Variants in MAPK10 observed in about 807,000 individuals in gnomAD.
The protein encoded by MAPK10 is mitogen-activated protein kinase 10, also known as JNK3 alpha protein kinase.
MAPK10 carries 25 observed loss-of-function variants against 59.3 expected under a neutral mutation model. The ratio of observed to expected loss-of-function variants is 0.42; its 90% CI spans 0.31 to 0.59. The LOEUF (loss-of-function observed/expected upper bound fraction) is 0.59, where lower values mean the gene tolerates loss of function less well. MAPK10 is among the 20% of genes least tolerant of loss of function. MAPK10 has a pLI of 0.15. For synonymous variants in MAPK10, 190 were observed against 200.5 expected (o/e 0.95, Z 0.44); for missense variants, 351 against 568.9 (o/e 0.62, Z 3.90).
At chr4:86,227,823 C>A (rs2090914525) in intron 2 of MAPK10, among the ~76,000 whole-genome samples, 1 of 152,174 alleles carries the variant, frequency 6.6e-6, no homozygotes. Flanking sequence ...TTTGTTTTAA[C>A]CCTGAATTAC....
At chr4:86,548,006 A>C (rs1228574750) in intron 1 of MAPK10, among the ~76,000 whole-genome samples, 3 of 152,198 alleles carry the variant, frequency 2.0e-5, no homozygotes, top group Non-Finnish European at 4.4e-5. Context: ...GAATAAAAGC[A>C]GGCTGCCTGA....
intron 1 of MAPK10, among the ~76,000 whole-genome samples, chr4:86,585,202 T>C (rs1031259142): frequency 1.3e-5 from 2 of 152,136 alleles, no homozygotes; most frequent in African/African-American, 2.4e-5. Flanking sequence ...GGGTAAAAAG[T>C]CTTATTTCCC....
At chr4:86,281,200 ACC>A (rs2094789765) in intron 2 of MAPK10, among the ~76,000 whole-genome samples, 1 of 152,138 alleles carries the variant, frequency 6.6e-6, no homozygotes, top group East Asian at 1.9e-4. Flanking sequence ...ATATCCCATA[ACC>A]CAGTTTCTAA....
At chr4:86,172,014 C>T (rs1463531390) in intron 3 of MAPK10, among the ~76,000 whole-genome samples, 1 of 143,970 alleles carries the variant, frequency 6.9e-6, no homozygotes, top group Non-Finnish European at 1.5e-5. Flanking sequence ...CAAATCAAAA[C>T]CACAATGAGA....
At chr4:86,079,134 G>A (rs1003372610) in intron 9 of MAPK10, among the ~76,000 whole-genome samples, 14 of 152,268 alleles carry the variant, frequency 9.2e-5, no homozygotes, top group African/African-American at 3.4e-4. Context: ...ACTAACATCT[G>A]TTTTAATTAT....
At chr4:86,100,661 C>A (rs1480318014) in intron 8 of MAPK10, 1 of 158,300 alleles carries the variant, frequency 6.3e-6, no homozygotes, top group East Asian at 1.8e-4. Flanking sequence ...GTCTGAGATA[C>A]AACATAAAAG....
At chr4:86,447,024 C>T (rs1004644497) in intron 1 of MAPK10, among the ~76,000 whole-genome samples, 4 of 152,096 alleles carry the variant, frequency 2.6e-5, no homozygotes, top group African/African-American at 4.8e-5. Flanking sequence ...GCATGTTAAA[C>T]GTTTGTAACA....
chr4:86,481,312 T>A (rs72664002), intron 1 of MAPK10, among the ~76,000 whole-genome samples: 1 of 151,886 alleles, frequency 6.6e-6, no homozygotes, highest in Non-Finnish European at 1.5e-5. Flanking sequence ...TCAGAGGCCT[T>A]CTAATCTCCT....
chr4:86,060,750 G>T lies in MAPK10; in HGVS notation c.1110+3516C>A, dbSNP rs3775185. Reference sequence around the variant, plus strand: ...ATTTTGGTTTAAACTAATGACACTAGATTTTCTTCTACCTGGCAAAGAAGA... The same window carrying T: ...ATTTTGGTTTAAACTAATGACACTATATTTTCTTCTACCTGGCAAAGAAGA... On this transcript the variant is annotated intron_variant, in intron 11 of 13. Transcript: ENST00000641462. Among the ~76,000 whole-genome samples, 657 of 152,096 alleles carry T rather than the reference G, an allele frequency of 4.3e-3. 31 individuals carry two copies. In the East Asian group the frequency reaches 0.1, roughly 24 times the overall value.
intron 1 of MAPK10, among the ~76,000 whole-genome samples, chr4:86,554,722 ATT>A (rs1760118688): frequency 6.6e-6 from 1 of 152,030 alleles, no homozygotes; most frequent in African/African-American, 2.4e-5. Flanking sequence ...TAACATCATT[ATT>A]TTCTTACCAA....
intron 9 of MAPK10, among the ~76,000 whole-genome samples, 153 bp from the exon 10 acceptor site, chr4:86,068,108 G>C (rs1413513672): frequency 6.6e-6 from 1 of 152,174 alleles, no homozygotes; most frequent in Non-Finnish European, 1.5e-5. Context: ...CAGACTTGCA[G>C]GCTATGAGTC....
chr4:86,059,226 T>A (rs995395954), intron 11 of MAPK10, among the ~76,000 whole-genome samples: 3 of 152,188 alleles, frequency 2.0e-5, no homozygotes, highest in African/African-American at 7.2e-5. Context: ...GATAAAATAA[T>A]GTCAGATAGT....
intron 1 of MAPK10, among the ~76,000 whole-genome samples, chr4:86,440,225 C>T (rs2149047093): frequency 6.6e-6 from 1 of 152,160 alleles, no homozygotes; most frequent in South Asian, 2.1e-4. Context: ...CTTTGAACTA[C>T]AAATTCCATA....
In MAPK10 at chr4:86,067,987, G is replaced by A. The variant is rs1377394367; in HGVS notation, c.803-32C>T. The stretch of plus-strand genomic sequence containing the variant: ...ATTGAACAGTTAAGGGAAAAAAGAA[G>A]AGCAGACCACTAGCCTTTCAACAAT... On this transcript the variant is annotated intron_variant, in intron 9 of 13. Transcript: ENST00000641462. 3 of 1,489,400 alleles carry A rather than the reference G, an allele frequency of 2.0e-6. No homozygotes were observed. The East Asian group carries it at 6.8e-5, about 34-fold the overall frequency. 92.3% of individuals were successfully genotyped at this position (1,489,400 alleles called of 1,614,324 possible).
chr4:86,568,453 A>G lies in MAPK10; in HGVS notation c.-263+25457T>C, dbSNP rs546456038. On this transcript the variant is annotated intron_variant, in intron 1 of 4. Coordinates refer to the MAPK10 transcript ENST00000502302. ...AAAATAATCCTAAAATTCATATGGA[A>G]CCAAAAATAAAAACGGCCCAAGTAG... Among the ~76,000 whole-genome samples, 4 of 152,324 alleles carry G rather than the reference A, an allele frequency of 2.6e-5. No homozygotes were observed. The South Asian group carries it at 6.2e-4, about 24-fold the overall frequency.
chr4:86,580,457 C>CCA (rs1454287701), intron 1 of MAPK10, among the ~76,000 whole-genome samples: 2 of 151,956 alleles, frequency 1.3e-5, no homozygotes, highest in South Asian at 2.1e-4. Flanking sequence ...TGAGATCAGG[C>CCA]CACTGCATTC....
intron 3 of MAPK10, among the ~76,000 whole-genome samples, chr4:86,169,129 A>C (rs1581764520): frequency 1.3e-5 from 2 of 152,306 alleles, no homozygotes; most frequent in East Asian, 3.9e-4. Flanking sequence ...CAGAACAGAA[A>C]AACCGGAAAC....
At chr4:86,458,796 A>G (rs1304981663) in intron 1 of MAPK10, among the ~76,000 whole-genome samples, 1 of 152,232 alleles carries the variant, frequency 6.6e-6, no homozygotes, top group African/African-American at 2.4e-5. Context: ...TAAATCCAAG[A>G]CCTGAAACTA....
chr4:86,378,886 A>AT (rs1473696707), intron 1 of MAPK10, among the ~76,000 whole-genome samples: 1 of 152,240 alleles, frequency 6.6e-6, no homozygotes, highest in East Asian at 1.9e-4. Flanking sequence ...GTAAAGAGAA[A>AT]TAAGGAGGAA....
Sources: allele counts gnomAD v4.1 joint callset (sites outside exome capture counted in the v4.1 genomes callset), GRCh38; gene constraint gnomAD v4.1.1; transcripts MANE v1.5; gene names NCBI Gene and HGNC (gene_info 2026-07-23, HGNC 2026-07-21).